TMEM132C: variants seen among roughly 807,000 people sequenced by gnomAD.
The protein encoded by TMEM132C is protein phosphatase 1, regulatory subunit 152.
In TMEM132C, 29 loss-of-function variants were observed where a neutral mutation model predicts 61.4. That is an observed-to-expected ratio of 0.47 (90% CI 0.35 to 0.64). TMEM132C has a LOEUF of 0.64. Ranked by LOEUF, TMEM132C falls within the 30% of genes least tolerant of loss-of-function variation. The pLI is 0.00. For missense variants in TMEM132C, 1,408 were observed against 1,476.9 expected, an observed-to-expected ratio of 0.95 and a Z score of 0.76; for synonymous variants, 656 against 633.1, an observed-to-expected ratio of 1.04 and a Z score of -0.54.
intron 2 of TMEM132C, among the ~76,000 whole-genome samples, chr12:128,465,471 G>A (rs1870700848): frequency 6.6e-6 from 1 of 152,164 alleles, no homozygotes; most frequent in South Asian, 2.1e-4. Flanking sequence ...AAAGTGCTAT[G>A]GTTACAGGCA....
At chr12:128,322,392 A>G (rs967228749) in intron 1 of TMEM132C, among the ~76,000 whole-genome samples, 8 of 152,270 alleles carry the variant, frequency 5.3e-5, no homozygotes, top group African/African-American at 1.9e-4. Flanking sequence ...AGCCCTGCCC[A>G]AATGACAGAT....
intron 4 of TMEM132C, among the ~76,000 whole-genome samples, chr12:128,642,574 C>T (rs950389684): frequency 2.6e-5 from 4 of 152,124 alleles, no homozygotes; most frequent in Non-Finnish European, 5.9e-5. Flanking sequence ...GAGTCTGAGA[C>T]GTCCGCTTCT....
intron 1 of TMEM132C, among the ~76,000 whole-genome samples, chr12:128,384,968 A>C (rs933113021): frequency 2.6e-5 from 4 of 151,860 alleles, no homozygotes; most frequent in African/African-American, 7.3e-5. Context: ...CTTCACATTC[A>C]CGTCTGTCAA....
At chr12:128,289,269 C>A (rs1871178618) in intron 1 of TMEM132C, among the ~76,000 whole-genome samples, 1 of 152,206 alleles carries the variant, frequency 6.6e-6, no homozygotes, top group Non-Finnish European at 1.5e-5. Flanking sequence ...CACTTATACA[C>A]ACGCACACAT....
chr12:128,415,087 G>T lies in TMEM132C; in HGVS notation c.441G>T (p.Val147=), dbSNP rs764418022. ...RDKVYLSRPK[V]QVLFHIMGRD... is the part of the protein sequence containing the mutation. ...AAGTCTACCTGAGCCGGCCCAAAGT[G>T]CAGGTTCTTTTCCACATCATGGGCA... Residue 147 remains valine (V), a synonymous_variant, in exon 2 of 9, where the codon GTG becomes GTT. Transcript: ENST00000435159. This position sits in a 1 kb window ranked among gnomAD's most constrained non-coding sequence, Gnocchi z 5.8. The T allele has an allele frequency of 1.2e-5, 19 of 1,606,102 alleles. No individual in the cohort carries two copies. The highest frequency in any genetic ancestry group is 1.4e-5 in the Non-Finnish European group (16 of 1,176,200).
Position 128,705,116 on chromosome 12 carries a change from G to A in TMEM132C, c.2148G>A (p.Gln716=), listed in dbSNP as rs377019599. 6.5e-7 allele frequency: 1 copy of A among 1,546,996 alleles called. No individual in the cohort carries two copies. Among genetic ancestry groups the A allele is most frequent in the Admixed American group, 2.0e-5 (1 of 50,790 alleles). ...KQEAVFSTWL[Q]FSDGSVTPLD... ...AGGCTGTATTCAGCACGTGGCTGCA[G>A]TTCAGTGATGGCTCTGTGACGCCCC... Residue 716 remains glutamine, a synonymous_variant, in exon 9 of 9, where the codon CAG becomes CAA. Transcript: ENST00000435159.
Position 128,616,318 on chromosome 12 carries a change from A to G in TMEM132C, c.1288A>G (p.Ile430Val), listed in dbSNP as rs1407307221. The G allele has an allele frequency of 1.3e-6, 2 of 1,551,754 alleles. No homozygotes were observed. Among genetic ancestry groups the G allele is most frequent in the Non-Finnish European group, 1.7e-6 (2 of 1,146,964 alleles). ...TGTCAGCCAGAAGGACCTGGTGGGC[A>G]TCGTTCCCTTGGCTATGGTGAGTCC... ...IFVSQKDLVG[I>V]VPLAMDTEIL... The change falls in exon 4 of 9, where the codon ATC (isoleucine) becomes GTC (valine). Residue 430 changes from isoleucine to valine, a missense_variant. Physicochemically the swap from Ile to Val is conservative, Grantham distance 29 (BLOSUM62 3). Coordinates refer to ENST00000435159, the MANE Select transcript of TMEM132C (RefSeq NM_001136103.3).
At chr12:128,322,129 A>G (rs1037814867) in intron 1 of TMEM132C, among the ~76,000 whole-genome samples, 1 of 152,248 alleles carries the variant, frequency 6.6e-6, no homozygotes, top group Non-Finnish European at 1.5e-5. Context: ...TTTGCTGGGT[A>G]TAAAAGTTGA....
At chr12:128,375,086 G>A (rs749257800) in intron 1 of TMEM132C, among the ~76,000 whole-genome samples, 2 of 151,984 alleles carry the variant, frequency 1.3e-5, no homozygotes, top group Non-Finnish European at 2.9e-5. Flanking sequence ...AGCAGCGTCC[G>A]TGGCCCCTAG....
At chr12:128,523,331 A>G (rs1872971873) in intron 2 of TMEM132C, among the ~76,000 whole-genome samples, 1 of 152,186 alleles carries the variant, frequency 6.6e-6, no homozygotes. Flanking sequence ...GATTCTGGAG[A>G]TGGATGGTGA....
At chr12:128,585,726 G>A (rs1875520069) in intron 3 of TMEM132C, among the ~76,000 whole-genome samples, 1 of 152,234 alleles carries the variant, frequency 6.6e-6, no homozygotes, top group Non-Finnish European at 1.5e-5. Flanking sequence ...AAAAGAAAAT[G>A]AAAGGGAGGC....
At chr12:128,552,029 G>GGACTCC (rs1874191636) in intron 3 of TMEM132C, among the ~76,000 whole-genome samples, 1 of 152,246 alleles carries the variant, frequency 6.6e-6, no homozygotes, top group African/African-American at 2.4e-5. Flanking sequence ...AGTTCAGGGG[G>GGACTCC]GACTCCGTGT....
intron 1 of TMEM132C, among the ~76,000 whole-genome samples, chr12:128,378,119 GTTT>G (rs55959629): frequency 0.74 from 107,193 of 145,224 alleles, 40,976 homozygotes; most frequent in Non-Finnish European, 0.86. Flanking sequence ...GTTTTTTTTT[GTTT>G]TTTTTTTTTT....
At chr12:128,517,445 A>G (rs1872757994) in intron 2 of TMEM132C, among the ~76,000 whole-genome samples, 1 of 152,060 alleles carries the variant, frequency 6.6e-6, no homozygotes, top group African/African-American at 2.4e-5. Context: ...AACAACAACA[A>G]CAACAAACTC....
intron 1 of TMEM132C, among the ~76,000 whole-genome samples, chr12:128,342,211 A>G (rs1041189234): frequency 6.6e-6 from 1 of 151,684 alleles, no homozygotes; most frequent in African/African-American, 2.4e-5. Flanking sequence ...GTGTCACCAT[A>G]TTGGCCAAGG....
chr12:128,625,094 C>A (rs1029730556), intron 4 of TMEM132C, among the ~76,000 whole-genome samples: 1 of 152,080 alleles, frequency 6.6e-6, no homozygotes, highest in Non-Finnish European at 1.5e-5. Context: ...GGTGGAGAAA[C>A]CCCCAGAGAA....
chr12:128,421,462 A>G (rs530844432), intron 2 of TMEM132C, among the ~76,000 whole-genome samples: 1 of 152,266 alleles, frequency 6.6e-6, no homozygotes, highest in African/African-American at 2.4e-5. Flanking sequence ...TCACTGAGAA[A>G]CCCAAAGACT....
chr12:128,428,704 C>A (rs75779208), intron 2 of TMEM132C, among the ~76,000 whole-genome samples: 2,708 of 152,192 alleles, frequency 0.018, 80 homozygotes, highest in African/African-American at 0.062. Context: ...TGTAGATGCC[C>A]ACACCTATGG....
chr12:128,679,934 G>A (rs1013844623), intron 5 of TMEM132C, among the ~76,000 whole-genome samples: 1 of 152,118 alleles, frequency 6.6e-6, no homozygotes, highest in Non-Finnish European at 1.5e-5. Context: ...CATTTGAGCT[G>A]AGATCTAAAT....
Sources: allele counts gnomAD v4.1 joint callset (sites outside exome capture counted in the v4.1 genomes callset), GRCh38; gene constraint gnomAD v4.1.1; non-coding constraint Gnocchi (gnomAD v3.1); transcripts MANE v1.5; gene names NCBI Gene and HGNC (gene_info 2026-07-23, HGNC 2026-07-21).